Variants in PTPRS observed in about 807,000 individuals in gnomAD.
PTPRS encodes protein tyrosine phosphatase receptor type S.
A neutral mutation model predicts 215.3 loss-of-function variants in PTPRS; 63 were observed. That is an observed-to-expected ratio of 0.29 (90% CI 0.24 to 0.36). PTPRS has a LOEUF of 0.36. PTPRS is among the 10% of genes least tolerant of loss of function. The pLI, the probability that PTPRS is intolerant of heterozygous loss-of-function variation, is 1.00. For missense variants in PTPRS, 2,258 were observed against 2,825.8 expected (o/e 0.80, Z 4.56); for synonymous variants, 1,404 against 1,191.4 (o/e 1.18, Z -3.68).
intron 1 of PTPRS, among the ~76,000 whole-genome samples, chr19:5,303,861 G>C (rs374040736): frequency 3.3e-4 from 49 of 150,556 alleles, no homozygotes; most frequent in African/African-American, 1.2e-3. Flanking sequence ...TGAGACAGGA[G>C]AATCGCTTGA....
At chr19:5,263,517 C>CGGAGGAA (rs556167182) in intron 5 of PTPRS, among the ~76,000 whole-genome samples, 238 of 151,944 alleles carry the variant, frequency 1.6e-3, no homozygotes, top group Non-Finnish European at 2.8e-3. Flanking sequence ...GCGGGATCCT[C>CGGAGGAA]GGAGGAAGGG....
At chr19:5,262,905 G>A in intron 6 of PTPRS, 59 bp downstream of exon 6, 1 of 1,515,134 alleles carries the variant, frequency 6.6e-7, no homozygotes, top group Non-Finnish European at 9.1e-7. Context: ...AAGGGGAGCA[G>A]AAGGGGCACA....
chr19:5,327,015 A>G (rs1426096168), intron 1 of PTPRS, among the ~76,000 whole-genome samples: 2 of 152,246 alleles, frequency 1.3e-5, no homozygotes, highest in South Asian at 2.1e-4. Context: ...TTCTGTCCAC[A>G]TTGACGTGAC....
intron 1 of PTPRS, among the ~76,000 whole-genome samples, chr19:5,321,237 T>C (rs1398578786): frequency 3.3e-5 from 5 of 152,118 alleles, no homozygotes; most frequent in African/African-American, 4.8e-5. Flanking sequence ...CATGCCACTG[T>C]ACTCCAGCCT....
intron 5 of PTPRS, among the ~76,000 whole-genome samples, chr19:5,263,709 C>T (rs950547130): frequency 6.6e-6 from 1 of 152,248 alleles, no homozygotes; most frequent in East Asian, 1.9e-4. Context: ...CCACGTGTGT[C>T]CCCACGCACG....
chr19:5,305,169 T>C (rs2049439128), intron 1 of PTPRS, among the ~76,000 whole-genome samples: 1 of 152,230 alleles, frequency 6.6e-6, no homozygotes, highest in Non-Finnish European at 1.5e-5. Flanking sequence ...GAGCTGGGCA[T>C]ACAGCAGGTG....
At chr19:5,222,289 C>A (rs746803303) in intron 18 of PTPRS, 69 bp from the exon 19 acceptor site, 1 of 1,357,888 alleles carries the variant, frequency 7.4e-7, no homozygotes, top group South Asian at 1.2e-5. Flanking sequence ...CACTGGGTGG[C>A]GTGAAGCGGG....
intron 1 of PTPRS, among the ~76,000 whole-genome samples, chr19:5,299,246 T>TG (rs1255800749): frequency 6.6e-6 from 1 of 152,184 alleles, no homozygotes; most frequent in African/African-American, 2.4e-5. Flanking sequence ...CTGCATGACC[T>TG]GCTCCATCTC....
rs866847821 is a variant in PTPRS, at chr19:5,320,093, A to G, written c.-95+20571T>C. The stretch of plus-strand genomic sequence containing the variant: ...CGGAGGCAGTGGCTGCGGCCAAAGC[A>G]GCCGCTGAGACCCCGGAGGCTGACG... On this transcript the variant is annotated intron_variant, in intron 1 of 37. Transcript: ENST00000262963. Among the ~76,000 whole-genome samples, 3 of 152,304 alleles carry G rather than the reference A, an allele frequency of 2.0e-5. No homozygotes were observed. In the South Asian group the frequency reaches 6.2e-4, roughly 32 times the overall value.
intron 1 of PTPRS, among the ~76,000 whole-genome samples, chr19:5,319,631 T>C (rs1261651342): frequency 4.0e-5 from 6 of 151,676 alleles, no homozygotes; most frequent in African/African-American, 1.5e-4. Flanking sequence ...ACATGACCTA[T>C]TGCCTCCTCT....
At chr19:5,266,458 A>G (rs1200992176) in intron 4 of PTPRS, among the ~76,000 whole-genome samples, 1 of 151,536 alleles carries the variant, frequency 6.6e-6, no homozygotes, top group African/African-American at 2.4e-5. Context: ...TTTTTTATTT[A>G]TTTATTTTTT....
intron 1 of PTPRS, among the ~76,000 whole-genome samples, chr19:5,290,296 G>A (rs2048703223): frequency 6.6e-6 from 1 of 152,204 alleles, no homozygotes; most frequent in Non-Finnish European, 1.5e-5. Context: ...CAGCTGGGGT[G>A]GGACTTGGGT....
At chr19:5,218,899 C>T (rs1291229583) in intron 23 of PTPRS, 101 bp from the exon 24 acceptor site, 2 of 1,262,918 alleles carry the variant, frequency 1.6e-6, no homozygotes, top group Non-Finnish European at 2.2e-6. Flanking sequence ...CAGTGCCTTC[C>T]TTAACCTCTG....
At position 5,210,500 on chromosome 19, in the gene PTPRS, A is replaced by G. The variant is rs529235837; in HGVS notation, c.5456T>C (p.Ile1819Thr). 6.2e-7 allele frequency: 1 copy of G among 1,614,140 alleles called. No homozygotes were observed. The highest frequency in any genetic ancestry group is 1.7e-5 in the Admixed American group (1 of 60,018). The change falls in exon 35 of 38, where the codon ATC becomes ACC. Residue 1819 changes from isoleucine to threonine, a missense_variant. This residue lies in a region of PTPRS where 927 missense variants were observed against 1,125.9 expected (regional missense o/e 0.82). Transcript: ENST00000262963. This position sits in a 1 kb window ranked among gnomAD's most constrained non-coding sequence, Gnocchi z 4.5. The part of the protein sequence containing the change: ...PMAEYNMPQY[I>T]LREFKVTDAR... ...ATCTGTGACCTTGAACTCTCGCAGG[A>G]TATACTGAGGCATGTTGTATTCTGC...
intron 28 of PTPRS, 87 bp from the exon 29 acceptor site, chr19:5,214,823 T>C: frequency 7.5e-7 from 1 of 1,339,740 alleles, no homozygotes; most frequent in African/African-American, 1.5e-5. Flanking sequence ...GGAAGTTCAC[T>C]CTGACCGCTC....
intron 13 of PTPRS, among the ~76,000 whole-genome samples, chr19:5,235,077 A>G (rs573546580): frequency 1.3e-5 from 2 of 151,470 alleles, no homozygotes; most frequent in African/African-American, 2.4e-5. Flanking sequence ...AGTAGCTGGG[A>G]CTACAGGCGC....
intron 1 of PTPRS, among the ~76,000 whole-genome samples, chr19:5,323,512 C>T (rs1243943275): frequency 2.0e-5 from 3 of 152,176 alleles, no homozygotes; most frequent in East Asian, 1.9e-4. Flanking sequence ...TGACCTGAGA[C>T]GTGAAGGAAG....
chr19:5,281,857 C>T (rs1384011427), intron 2 of PTPRS, among the ~76,000 whole-genome samples: 1 of 152,202 alleles, frequency 6.6e-6, no homozygotes, highest in Non-Finnish European at 1.5e-5. Flanking sequence ...CAAGCAAGAC[C>T]GGGCGGGTGG....
chr19:5,327,383 AC>A (rs2050198314), intron 1 of PTPRS, among the ~76,000 whole-genome samples: 1 of 152,030 alleles, frequency 6.6e-6, no homozygotes, highest in Admixed American at 6.5e-5. Context: ...AGACAGCCTC[AC>A]CCCCATTTTG....
Sources: gnomAD v4.1 joint callset for allele counts (sites outside exome capture counted in the v4.1 genomes callset) on GRCh38, gnomAD v4.1.1 for gene constraint, gnomAD v4.1.1 regional missense constraint, Gnocchi (gnomAD v3.1) non-coding constraint, MANE v1.5 for transcripts, NCBI Gene and HGNC (gene_info 2026-07-23, HGNC 2026-07-21) for gene names.